RP2: variants seen among roughly 807,000 people sequenced by gnomAD.
RP2 encodes RP2 activator of ARL3 GTPase, also known as protein XRP2.
RP2 carries 3 observed loss-of-function variants against 20.3 expected under a neutral mutation model. The observed-to-expected ratio is 0.15, with a 90% confidence interval of 0.07 to 0.38. The LOEUF (loss-of-function observed/expected upper bound fraction) is 0.38. RP2 is among the 10% of genes least tolerant of loss of function. The probability of loss-of-function intolerance (pLI) is 1.00; values close to 1 mark genes in which losing one functional copy is unlikely to be tolerated. For synonymous variants in RP2, 75 were observed against 94.8 expected (o/e 0.79, Z 1.22); for missense variants, 233 against 268.5 (o/e 0.87, Z 0.92).
At chrX:46,853,171 G>A (rs1556318459) in intron 1 of RP2, among the ~76,000 whole-genome samples, 1 of 111,540 alleles carries the variant, frequency 9.0e-6, no homozygotes, top group African/African-American at 3.3e-5. Context: ...GTTAAGTCAT[G>A]GGAAAACTCA....
chrX:46,856,382 C>T (rs1924959569), intron 2 of RP2, among the ~76,000 whole-genome samples: 1 of 110,994 alleles, frequency 9.0e-6, no homozygotes, highest in African/African-American at 3.3e-5. Context: ...CTTTAGATAT[C>T]CTCTGGAATA....
Position 46,837,117 on chromosome X carries a change from C to G in RP2, c.17C>G (p.Ser6Cys), listed in dbSNP as rs1556313431. 1 of 1,168,916 alleles carries G rather than the reference C, an allele frequency of 8.6e-7. No individual in the cohort carries two copies. Among genetic ancestry groups the G allele is most frequent in the Admixed American group, 2.6e-5 (1 of 38,902 alleles). The change falls in exon 1 of 5, where the codon TCC becomes TGC. Residue 6 changes from serine (S) to cysteine (C), a missense_variant. Coordinates refer to ENST00000218340, the MANE Select transcript of RP2 (RefSeq NM_006915.3). ...GCTGGGACCATGGGCTGCTTCTTCT[C>G]CAAGAGACGGAAGGCTGACAAGGAG... MGCFF[S>C]KRRKADKESR...
In RP2 at chrX:46,880,477, A is replaced by G. The variant is rs1441075433; in HGVS notation, c.*708A>G. On this transcript the variant is annotated 3_prime_UTR_variant, in exon 5 of 5. Coordinates refer to ENST00000218340, the MANE Select transcript of RP2 (RefSeq NM_006915.3). ...AGTTTTTTAATACAACTGCTATATG[A>G]CTCTTCTGCTTCCTGATAAGAAAAG... is the stretch of plus-strand genomic sequence containing the variant. 9.0e-6 allele frequency: 1 copy of G among 111,714 alleles called. No individual in the cohort carries two copies. The highest frequency in any genetic ancestry group is 1.9e-5 in the Non-Finnish European group (1 of 53,075). The allele number at this position is 111,714 out of a possible 1,213,427, so 9.2% of individuals were successfully genotyped here.
intron 1 of RP2, among the ~76,000 whole-genome samples, chrX:46,844,787 T>C (rs975360107): frequency 8.9e-6 from 1 of 111,869 alleles, no homozygotes; most frequent in African/African-American, 3.3e-5. Flanking sequence ...TAGTTTACAG[T>C]CTCACCAACA....
chrX:46,842,665 C>T (rs1556315135), intron 1 of RP2, among the ~76,000 whole-genome samples: 1 of 111,946 alleles, frequency 8.9e-6, no homozygotes, highest in Non-Finnish European at 1.9e-5. Context: ...AAACCACAAA[C>T]TTATTTTCTG....
chrX:46,875,648 AT>A (rs1430829716), intron 3 of RP2, among the ~76,000 whole-genome samples: 1 of 111,289 alleles, frequency 9.0e-6, no homozygotes, highest in African/African-American at 3.3e-5. Context: ...CTGTTTCACT[AT>A]GTCTCATCTT....
chrX:46,879,155 A>C (rs1925429413), intron 4 of RP2, among the ~76,000 whole-genome samples: 2 of 106,840 alleles, frequency 1.9e-5, no homozygotes, highest in African/African-American at 6.8e-5. Context: ...CAGGAGAATC[A>C]CTTGAGTCCA....
intron 1 of RP2, among the ~76,000 whole-genome samples, chrX:46,842,167 G>A (rs964320671): frequency 1.2e-4 from 13 of 112,055 alleles, no homozygotes; most frequent in African/African-American, 3.6e-4. Context: ...TGCCTGCCTC[G>A]ACCTCTCAAA....
At chrX:46,862,395 T>G (rs782664557) in intron 3 of RP2, among the ~76,000 whole-genome samples, 2 of 98,186 alleles carry the variant, frequency 2.0e-5, no homozygotes, top group East Asian at 3.2e-4. Context: ...GTGTGGTGGC[T>G]CACGCCTGTA....
At chrX:46,879,256 A>C (rs1925431068) in intron 4 of RP2, among the ~76,000 whole-genome samples, 1 of 108,733 alleles carries the variant, frequency 9.2e-6, no homozygotes, top group Admixed American at 1.0e-4. Context: ...AATAAAATAA[A>C]ATAAAAAATA....
chrX:46,881,824 C>G lies in RP2; in HGVS notation c.*2055C>G, dbSNP rs1051647225. 3.6e-5 allele frequency: 4 copies of G among 111,565 alleles called. No individual in the cohort carries two copies. Among genetic ancestry groups the G allele is most frequent in the Non-Finnish European group, 7.5e-5 (4 of 53,157 alleles). 9.2% of individuals were successfully genotyped at this position (111,565 alleles called of 1,213,427 possible). On this transcript the variant is annotated 3_prime_UTR_variant, in exon 5 of 5. Transcript: ENST00000218340. Reference sequence around the variant, plus strand: ...ATTCACATTTCAAATAATAACAATACTTTTTGTTTTTCAAAAATAAAATGC... The same window carrying G: ...ATTCACATTTCAAATAATAACAATAGTTTTTGTTTTTCAAAAATAAAATGC...
intron 1 of RP2, 99 bp downstream of exon 1, chrX:46,837,301 C>G: frequency 1.2e-6 from 1 of 859,747 alleles, no homozygotes. Flanking sequence ...CAACTGCTGC[C>G]GCACTCTCTT....
chrX:46,868,032 G>A (rs1925205917), intron 3 of RP2, among the ~76,000 whole-genome samples: 1 of 111,971 alleles, frequency 8.9e-6, no homozygotes, highest in Non-Finnish European at 1.9e-5. Context: ...GGAATTGCTG[G>A]ATCATGTTGT....
chrX:46,854,001 G>A lies in RP2; in HGVS notation c.628G>A (p.Val210Ile), dbSNP rs2147081490. ...PIPTTEELKA[V>I]RVSTEANRSI... Reference sequence around the variant, plus strand: ...ACCTACTACCGAAGAGCTCAAAGCTGTTCGTGTTTCCACAGAAGCCAATAG... The same window carrying A: ...ACCTACTACCGAAGAGCTCAAAGCTATTCGTGTTTCCACAGAAGCCAATAG... The change falls in exon 2 of 5, where the codon GTT becomes ATT. Residue 210 changes from valine (V) to isoleucine (I), a missense_variant. Transcript: ENST00000218340. 1 of 1,211,770 alleles carries A rather than the reference G, an allele frequency of 8.3e-7. No individual in the cohort carries two copies. The highest frequency in any genetic ancestry group is 1.1e-6 in the Non-Finnish European group (1 of 895,441).
intron 1 of RP2, among the ~76,000 whole-genome samples, chrX:46,844,865 GC>G (rs1313469911): frequency 3.6e-5 from 4 of 111,636 alleles, no homozygotes; most frequent in African/African-American, 1.3e-4. Context: ...TTTAATGATC[GC>G]CATTCTAACT....
chrX:46,859,057 T>A (rs782543727), intron 2 of RP2, among the ~76,000 whole-genome samples: 7 of 111,614 alleles, frequency 6.3e-5, no homozygotes, highest in Non-Finnish European at 7.5e-5. Flanking sequence ...AGGGTAATGA[T>A]ACCTACTTCG....
intron 1 of RP2, among the ~76,000 whole-genome samples, chrX:46,848,184 C>A (rs1556317340): frequency 9.3e-6 from 1 of 107,794 alleles, no homozygotes; most frequent in South Asian, 4.0e-4. Flanking sequence ...TTAACAAATC[C>A]CATTATTTTA....
chrX:46,840,440 TAAG>T (rs373573923), intron 1 of RP2, among the ~76,000 whole-genome samples: 13 of 112,631 alleles, frequency 1.2e-4, no homozygotes, highest in African/African-American at 4.2e-4. Flanking sequence ...GTCAACAGTG[TAAG>T]AAGCTCATTT....
At chrX:46,839,666 C>T (rs1181615495) in intron 1 of RP2, among the ~76,000 whole-genome samples, 3 of 111,996 alleles carry the variant, frequency 2.7e-5, no homozygotes, top group African/African-American at 9.7e-5. Context: ...GTTTACTGAG[C>T]ATGGCCTTGC....
Sources: allele counts gnomAD v4.1 joint callset (sites outside exome capture counted in the v4.1 genomes callset), GRCh38; gene constraint gnomAD v4.1.1; transcripts MANE v1.5; gene names NCBI Gene and HGNC (gene_info 2026-07-23, HGNC 2026-07-21).